The following DKKL1 variants were observed in gnomAD, a reference collection of about 807,000 sequenced individuals.
DKKL1 encodes the protein dickkopf-like protein 1.
A neutral mutation model predicts 16.5 loss-of-function variants in DKKL1; 11 were observed. The observed-to-expected ratio is 0.67, with a 90% CI of 0.42 to 1.10. The LOEUF (loss-of-function observed/expected upper bound fraction) is 1.10, where lower values mean the gene tolerates loss of function less well. DKKL1 is among the 50% of genes least tolerant of loss of function. DKKL1 has a pLI of 0.00. For synonymous variants in DKKL1, 119 were observed against 133.2 expected, an observed-to-expected ratio of 0.89 and a Z score of 0.73; for missense variants, 320 against 308.1, an observed-to-expected ratio of 1.04 and a Z score of -0.29.
intron 4 of DKKL1, among the ~76,000 whole-genome samples, chr19:49,366,927 C>T (rs1973272570): frequency 6.6e-6 from 1 of 151,828 alleles, no homozygotes; most frequent in Non-Finnish European, 1.5e-5. Context: ...AGGCTGGTCT[C>T]GAACTCCTGA....
At chr19:49,363,812 TTGGAGCG>T, upstream of DKKL1, 2 of 816,158 alleles carry the variant, frequency 2.5e-6, no homozygotes, top group Non-Finnish European at 4.0e-6. Flanking sequence ...GCCGGCAAGT[TTGGAGCG>T]TGGTCAGACA....
intron 4 of DKKL1, among the ~76,000 whole-genome samples, chr19:49,372,713 A>G (rs1407467062): frequency 2.0e-5 from 3 of 147,338 alleles, no homozygotes; most frequent in African/African-American, 5.0e-5. Flanking sequence ...AAAAAAATAC[A>G]AAGTATGGCC....
intron 4 of DKKL1, 87 bp downstream of exon 4, chr19:49,365,972 G>A (rs1973237271): frequency 7.8e-7 from 1 of 1,288,144 alleles, no homozygotes; most frequent in Non-Finnish European, 1.1e-6. Context: ...CTGTCACCCA[G>A]GCTGGAGTGC....
intron 1 of DKKL1, 42 bp from the exon 2 acceptor site, chr19:49,364,540 C>T (rs2146762271): frequency 3.9e-6 from 6 of 1,557,426 alleles, no homozygotes; most frequent in Non-Finnish European, 4.3e-6. Context: ...TGGGTGGGGG[C>T]GTGGCCACTG....
chr19:49,363,556 G>T (rs540358384), upstream of DKKL1: 3 of 325,582 alleles, frequency 9.2e-6, no homozygotes, highest in Non-Finnish European at 6.0e-6. Flanking sequence ...TTTCAGCCAA[G>T]GGGCGTGGCC....
At chr19:49,362,055 C>A (rs2146728409), upstream of DKKL1, 1 of 152,962 alleles carries the variant, frequency 6.5e-6, no homozygotes, top group East Asian at 1.9e-4. Flanking sequence ...CCAGATTACA[C>A]AAGGGGTCCT....
chr19:49,364,139 C>A, intron 1 of DKKL1, 131 bp downstream of exon 1: 1 of 1,251,858 alleles, frequency 8.0e-7, no homozygotes. Flanking sequence ...CGCTTGAGAT[C>A]AGGAGTTCGA....
rs568776378 is a variant in DKKL1 at position 49,374,983 on chromosome 19, A to G, written c.684A>G (p.Arg228=). Residue 228 remains arginine, a synonymous_variant, in exon 5 of 5, where the codon CGA becomes CGG. Coordinates refer to ENST00000221498, the MANE Select transcript of DKKL1 (RefSeq NM_014419.4). ...CCTCCCACTCCAGGCTGTCCCCCCG[A>G]AAGACCCACTTACTGTACATCCTCA... ...ESSSHSRLSP[R]KTHLLYILRP... is the part of the protein sequence containing the mutation. 6.9e-5 allele frequency: 112 copies of G among 1,613,266 alleles called. No individual in the cohort carries two copies. The highest frequency in any genetic ancestry group is 1.7e-4 in the Admixed American group (10 of 59,962).
At chr19:49,371,041 G>C (rs184137440) in intron 4 of DKKL1, 18 of 152,308 alleles carry the variant, frequency 1.2e-4, no homozygotes, top group African/African-American at 3.1e-4. Context: ...AGACACTCAA[G>C]CTTCTGGAGC....
intron 1 of DKKL1, 39 bp downstream of exon 1, chr19:49,364,047 G>A (rs1973139056): frequency 6.2e-7 from 1 of 1,611,276 alleles, no homozygotes; most frequent in African/African-American, 1.3e-5. Context: ...GGGCGAAAGT[G>A]AGGAAAAGAC....
At chr19:49,365,197 T>A (rs147526544) in intron 2 of DKKL1, among the ~76,000 whole-genome samples, 18 of 147,726 alleles carry the variant, frequency 1.2e-4, no homozygotes, top group African/African-American at 4.5e-4. Context: ...CGTGCATAAA[T>A]AAGAGAGGAA....
upstream of DKKL1, chr19:49,363,559 G>C (rs1318663535): frequency 1.2e-5 from 4 of 331,408 alleles, no homozygotes; most frequent in East Asian, 3.4e-4. Flanking sequence ...CAGCCAAGGG[G>C]CGTGGCCATT....
rs566134051 is a variant in DKKL1 at position 49,372,388 on chromosome 19, G to A, written c.418-2329G>A. Among the ~76,000 whole-genome samples, 11 of 151,382 alleles carry A rather than the reference G, an allele frequency of 7.3e-5. No individual in the cohort carries two copies. The East Asian group carries it at 7.8e-4, about 11-fold the overall frequency. On this transcript the variant is annotated intron_variant, in intron 4 of 4. Transcript: ENST00000221498. ...AGCCTGGCTAACGTAGCGAAACCCCGTCTACTAAAAATACAAAATATGGGG... is the reference window on the plus strand; with the variant it reads ...AGCCTGGCTAACGTAGCGAAACCCCATCTACTAAAAATACAAAATATGGGG...
chr19:49,362,919 G>GTTGTTGTTTTTTT (rs1568588572), upstream of DKKL1, among the ~76,000 whole-genome samples: 20 of 130,252 alleles, frequency 1.5e-4, 1 homozygote, highest in Admixed American at 3.7e-4. Flanking sequence ...TGGTTTTTTT[G>GTTGTTGTTTTTTT]TTTTTTGTTT....
At chr19:49,363,535 A>AT (rs1262898485), upstream of DKKL1, 1 of 320,302 alleles carries the variant, frequency 3.1e-6, no homozygotes, top group African/African-American at 2.2e-5. Context: ...GGCCCAGTGC[A>AT]GGGGCGTGGC....
chr19:49,362,494 A>G (rs1361419903), upstream of DKKL1: 2 of 150,974 alleles, frequency 1.3e-5, no homozygotes, highest in Non-Finnish European at 1.5e-5. Context: ...GCCGGCGGAC[A>G]GCGGGAAGGG....
intron 4 of DKKL1, among the ~76,000 whole-genome samples, chr19:49,367,902 A>G (rs1048553916): frequency 1.3e-5 from 2 of 152,234 alleles, no homozygotes; most frequent in African/African-American, 4.8e-5. Flanking sequence ...CAGGACAGGC[A>G]CAGTGGCTTA....
At chr19:49,373,034 T>C (rs1304595432) in intron 4 of DKKL1, among the ~76,000 whole-genome samples, 6 of 151,368 alleles carry the variant, frequency 4.0e-5, no homozygotes, top group Admixed American at 3.9e-4. Flanking sequence ...CTGGGCATGG[T>C]GGCTCACGCC....
At chr19:49,364,815 G>A (rs1004945070) in intron 2 of DKKL1, 61 bp downstream of exon 2, 9 of 1,570,924 alleles carry the variant, frequency 5.7e-6, no homozygotes, top group Non-Finnish European at 7.8e-6. Flanking sequence ...GACACAGAGT[G>A]GGAGATGGTT....
Sources: gnomAD v4.1 joint callset for allele counts (sites outside exome capture counted in the v4.1 genomes callset) on GRCh38, gnomAD v4.1.1 for gene constraint, MANE v1.5 for transcripts, NCBI Gene and HGNC (gene_info 2026-07-23, HGNC 2026-07-21) for gene names.